Variants in SPNS2 observed in about 807,000 individuals in gnomAD.
The protein encoded by SPNS2 is SPNS lysolipid transporter 2, sphingosine-1-phosphate.
In SPNS2, 37 loss-of-function variants were observed where a neutral mutation model predicts 57.6. That is an observed-to-expected ratio of 0.64 (90% CI 0.49 to 0.85). The LOEUF (loss-of-function observed/expected upper bound fraction) is 0.85. SPNS2 is among the 40% of genes least tolerant of loss of function. SPNS2 has a pLI of 0.00. For synonymous variants in SPNS2, 440 were observed against 346.9 expected (o/e 1.27, Z -2.98); for missense variants, 831 against 779.1 (o/e 1.07, Z -0.79).
At chr17:4,509,003 G>A (rs959547754) in intron 1 of SPNS2, among the ~76,000 whole-genome samples, 4 of 152,226 alleles carry the variant, frequency 2.6e-5, no homozygotes, top group Admixed American at 6.5e-5. Flanking sequence ...CTGGAGGCAG[G>A]GAGTCCAGGG....
chr17:4,510,937 CAG>C lies in SPNS2; in HGVS notation c.371-2308_371-2307del, dbSNP rs1904814527. Among the ~76,000 whole-genome samples the C allele has an allele frequency of 6.6e-6, 1 of 152,240 alleles. No homozygotes were observed. The highest frequency in any genetic ancestry group is 2.4e-5 in the African/African-American group (1 of 41,454). On this transcript the variant is annotated intron_variant, in intron 1 of 12. Coordinates refer to ENST00000329078, the MANE Select transcript of SPNS2 (RefSeq NM_001124758.3). The surrounding 1 kb of genome is among the most constrained non-coding windows in gnomAD (Gnocchi z 4.4). ...CTCGTTTCAGATCTCACCTCCAAAA[CAG>C]AATGTACTGTGTGACAAATTACTTC...
chr17:4,517,258 A>T (rs1905019545), intron 2 of SPNS2, among the ~76,000 whole-genome samples: 1 of 152,110 alleles, frequency 6.6e-6, no homozygotes, highest in Admixed American at 6.5e-5. Context: ...GTTTCCAGGG[A>T]CCCTGGCAGA....
At chr17:4,536,233 G>A (rs767890909) in intron 10 of SPNS2, 30 bp from the exon 11 acceptor site, 29 of 1,609,732 alleles carry the variant, frequency 1.8e-5, no homozygotes, top group East Asian at 1.8e-4. Context: ...GGAGGGCTCT[G>A]CCCTGACATC....
At chr17:4,515,830 TG>T (rs1033044061) in intron 2 of SPNS2, among the ~76,000 whole-genome samples, 6 of 152,088 alleles carry the variant, frequency 3.9e-5, no homozygotes, top group Admixed American at 2.0e-4. Context: ...AGACAGGGAG[TG>T]GGGGTGGCTG....
intron 2 of SPNS2, among the ~76,000 whole-genome samples, chr17:4,519,496 C>A (rs1483460277): frequency 6.6e-6 from 1 of 152,150 alleles, no homozygotes; most frequent in African/African-American, 2.4e-5. Context: ...GGCCCAAGAC[C>A]CCGAGGCAGG....
intron 5 of SPNS2, among the ~76,000 whole-genome samples, chr17:4,531,343 G>T (rs1905464876): frequency 6.6e-6 from 1 of 152,232 alleles, no homozygotes; most frequent in South Asian, 2.1e-4. Context: ...GCCGCCCTCG[G>T]GGCCCCCAGG....
intron 3 of SPNS2, among the ~76,000 whole-genome samples, chr17:4,526,011 T>C (rs546413133): frequency 5.4e-4 from 82 of 152,284 alleles, no homozygotes; most frequent in South Asian, 5.4e-3. Context: ...GGGGAGAGCA[T>C]GATCTGTCTT....
chr17:4,532,175 TATCCGTCC>T (rs1489407706), intron 5 of SPNS2, among the ~76,000 whole-genome samples: 2 of 149,618 alleles, frequency 1.3e-5, no homozygotes, highest in African/African-American at 5.0e-5. Flanking sequence ...TCTGTCCATC[TATCCGTCC>T]ATCCCTCCAT....
At chr17:4,536,976 C>A in intron 12 of SPNS2, 30 bp downstream of exon 12, 1 of 1,610,036 alleles carries the variant, frequency 6.2e-7, no homozygotes. Context: ...CACGTGGGGG[C>A]TCCCTAAGGA....
At chr17:4,505,047 G>A (rs554530637) in intron 1 of SPNS2, among the ~76,000 whole-genome samples, 1 of 152,286 alleles carries the variant, frequency 6.6e-6, no homozygotes, top group East Asian at 1.9e-4. Context: ...GGGTCTCAGC[G>A]GTGTCCTCTT....
In SPNS2 at chr17:4,510,497, G is replaced by A. The variant is rs1904801673; in HGVS notation, c.371-2750G>A. 6.6e-6 allele frequency among the ~76,000 whole-genome samples: 1 copy of A among 152,204 alleles called. No homozygotes were observed. Among genetic ancestry groups the A allele is most frequent in the Admixed American group, 6.5e-5 (1 of 15,284 alleles). ...TTGAAGTCATCGGATGGGGAAGTGTGCCGCTGGATAGCTGGATACTGCAGG... is the reference window on the plus strand; with the variant it reads ...TTGAAGTCATCGGATGGGGAAGTGTACCGCTGGATAGCTGGATACTGCAGG... On this transcript the variant is annotated intron_variant, in intron 1 of 12. Coordinates refer to ENST00000329078, the MANE Select transcript of SPNS2 (RefSeq NM_001124758.3). This position sits in a 1 kb window ranked among gnomAD's most constrained non-coding sequence, Gnocchi z 4.4.
chr17:4,516,111 C>T (rs970570079), intron 2 of SPNS2, among the ~76,000 whole-genome samples: 5 of 151,960 alleles, frequency 3.3e-5, no homozygotes, highest in African/African-American at 2.4e-5. Flanking sequence ...GTCAGGAGTT[C>T]GAGACCAGCC....
intron 2 of SPNS2, among the ~76,000 whole-genome samples, chr17:4,520,737 AGGACTCT>A (rs920749648): frequency 1.3e-5 from 2 of 152,108 alleles, no homozygotes; most frequent in African/African-American, 4.8e-5. Context: ...ATTTAGAGCA[AGGACTCT>A]GGAGTCTGCC....
chr17:4,499,655 C>G lies in SPNS2; in HGVS notation c.370+238C>G, dbSNP rs1597356159. 1.9e-5 allele frequency: 7 copies of G among 367,318 alleles called. No individual in the cohort carries two copies. The East Asian group carries it at 2.8e-4, about 14-fold the overall frequency. 22.8% of individuals were successfully genotyped at this position (367,318 alleles called of 1,614,324 possible). On this transcript the variant is annotated intron_variant, in intron 1 of 12. Coordinates refer to ENST00000329078, the MANE Select transcript of SPNS2 (RefSeq NM_001124758.3). The surrounding 1 kb of genome is among the most constrained non-coding windows in gnomAD (Gnocchi z 5.2). ...GGGCCAAGGGATAGAGGAGTCCCCA[C>G]CCCTGGAGCAGCCCGCGCGTCCTCT... is the stretch of plus-strand genomic sequence containing the variant.
intron 2 of SPNS2, 24 bp from the exon 3 acceptor site, chr17:4,525,033 C>G (rs772124277): frequency 1.1e-5 from 17 of 1,609,482 alleles, no homozygotes; most frequent in South Asian, 7.7e-5. Context: ...CTGGGCCCCC[C>G]CTCAAGCTCT....
chr17:4,522,835 C>T (rs545153307), intron 2 of SPNS2, among the ~76,000 whole-genome samples: 1 of 152,380 alleles, frequency 6.6e-6, no homozygotes, highest in African/African-American at 2.4e-5. Flanking sequence ...CCTGGGACCT[C>T]CAAGGCCCCT....
intron 1 of SPNS2, among the ~76,000 whole-genome samples, chr17:4,500,028 G>C (rs1330514767): frequency 6.6e-6 from 1 of 152,140 alleles, no homozygotes; most frequent in African/African-American, 2.4e-5. Flanking sequence ...GGTCCGCGGC[G>C]CCTGGGGACC....
intron 1 of SPNS2, among the ~76,000 whole-genome samples, chr17:4,504,352 C>T (rs1450120705): frequency 6.6e-6 from 1 of 152,262 alleles, no homozygotes; most frequent in Non-Finnish European, 1.5e-5. Flanking sequence ...TTCCTTGCTC[C>T]TGCTTCCTTT....
intron 2 of SPNS2, 82 bp downstream of exon 2, chr17:4,513,394 C>T (rs991755102): frequency 2.2e-5 from 32 of 1,452,008 alleles, no homozygotes; most frequent in African/African-American, 5.6e-5. Context: ...ATCTGCCACC[C>T]GGTCTGTCTT....
Sources: allele counts gnomAD v4.1 joint callset (sites outside exome capture counted in the v4.1 genomes callset), GRCh38; gene constraint gnomAD v4.1.1; non-coding constraint Gnocchi (gnomAD v3.1); transcripts MANE v1.5; gene names NCBI Gene and HGNC (gene_info 2026-07-23, HGNC 2026-07-21).